The following MYOM1 variants were observed in gnomAD, a reference collection of about 807,000 sequenced individuals.
MYOM1 encodes myomesin 1.
Under a neutral mutation model 205.3 loss-of-function variants are expected in MYOM1, and 164 were observed. The ratio of observed to expected loss-of-function variants is 0.80; its 90% CI spans 0.70 to 0.91. The LOEUF is 0.91. Among genes scored for constraint, MYOM1 ranks in the 40% least tolerant of loss-of-function variants. The pLI is 0.00. For synonymous variants in MYOM1, 772 were observed against 789.4 expected, an observed-to-expected ratio of 0.98 and a Z score of 0.37; for missense variants, 2,011 against 2,127.3, an observed-to-expected ratio of 0.95 and a Z score of 1.08.
At chr18:3,242,825 C>T in the MYOM1 span, among the ~76,000 whole-genome samples, 1 of 152,266 alleles carries the variant, frequency 6.6e-6, no homozygotes, top group East Asian at 1.9e-4. Flanking sequence ...ATGTCTTTAT[C>T]AGCAGAATGA....
chr18:3,210,574 C>T (rs2081179436), intron 2 of MYOM1, among the ~76,000 whole-genome samples: 1 of 152,216 alleles, frequency 6.6e-6, no homozygotes, highest in Non-Finnish European at 1.5e-5. Context: ...TTCATGGACA[C>T]TCCTTGGGTT....
At chr18:3,149,234 T>A in intron 12 of MYOM1, 33 bp from the exon 13 acceptor site, 1 of 1,585,518 alleles carries the variant, frequency 6.3e-7, no homozygotes. Flanking sequence ...ATCACAAACG[T>A]TTACAAGTGT....
chr18:3,098,852 C>T (rs72858643), intron 25 of MYOM1, among the ~76,000 whole-genome samples: 1 of 152,328 alleles, frequency 6.6e-6, no homozygotes, highest in Non-Finnish European at 1.5e-5. Flanking sequence ...TTGCCTAATG[C>T]CACATGGTGG....
intron 5 of MYOM1, among the ~76,000 whole-genome samples, chr18:3,186,016 C>G (rs1421388726): frequency 6.6e-6 from 1 of 151,984 alleles, no homozygotes; most frequent in Non-Finnish European, 1.5e-5. Flanking sequence ...GCCAACACGG[C>G]AAAACCCCGT....
chr18:3,094,373 T>G, intron 25 of MYOM1, 67 bp from the exon 26 acceptor site: 4 of 851,260 alleles, frequency 4.7e-6, no homozygotes, highest in Admixed American at 4.7e-5. Context: ...TCATTTTCCA[T>G]CAAGTGAAAA....
the MYOM1 span, among the ~76,000 whole-genome samples, chr18:3,232,405 A>C: frequency 3.9e-5 from 6 of 152,136 alleles, no homozygotes; most frequent in South Asian, 2.1e-4. Context: ...AATTCATGCA[A>C]ATGATAGTAA....
At chr18:3,165,078 G>C (rs183903026) in intron 9 of MYOM1, among the ~76,000 whole-genome samples, 220 of 152,184 alleles carry the variant, frequency 1.4e-3, no homozygotes, top group Non-Finnish European at 2.5e-3. Context: ...AAGTTATATA[G>C]GCTATGACAA....
intron 27 of MYOM1, 67 bp downstream of exon 27, chr18:3,090,591 T>C: frequency 6.4e-7 from 1 of 1,567,568 alleles, no homozygotes. Flanking sequence ...ACAACTTTTG[T>C]GCCATGGGGT....
At chr18:3,115,130 C>G (rs2079586659) in intron 21 of MYOM1, among the ~76,000 whole-genome samples, 1 of 152,002 alleles carries the variant, frequency 6.6e-6, no homozygotes, top group Non-Finnish European at 1.5e-5. Context: ...TTACACTGTA[C>G]TTTGGGGGTT....
Position 3,168,836 on chromosome 18 carries a change from C to T in MYOM1, c.1320G>A (p.Glu440=), listed in dbSNP as rs1191231862. The part of the protein sequence containing the change: ...ITPEIKHFQP[E]IQWYRNGVPL... ...ACTCACCGTTTCTGTACCACTGGATCTCTGGCTGGAAATGTTTAATTTCAG... is the reference window on the plus strand; with the variant it reads ...ACTCACCGTTTCTGTACCACTGGATTTCTGGCTGGAAATGTTTAATTTCAG... The change falls in exon 9 of 38, where the codon GAG becomes GAA. Residue 440 remains glutamate (E), a synonymous_variant. Transcript: ENST00000356443. 1.2e-6 allele frequency: 2 copies of T among 1,613,794 alleles called. No individual in the cohort carries two copies. The highest frequency in any genetic ancestry group is 1.7e-6 in the Non-Finnish European group (2 of 1,179,884).
chr18:3,142,431 C>A (rs1012493257), intron 13 of MYOM1, among the ~76,000 whole-genome samples: 1 of 150,746 alleles, frequency 6.6e-6, no homozygotes, highest in East Asian at 1.9e-4. Flanking sequence ...CTACATAATT[C>A]AAAAAAAAAT....
At chr18:3,161,130 G>T (rs2080385144) in intron 10 of MYOM1, among the ~76,000 whole-genome samples, 1 of 152,224 alleles carries the variant, frequency 6.6e-6, no homozygotes, top group Non-Finnish European at 1.5e-5. Context: ...GCTAATTGCA[G>T]TGTGTTGGTT....
intron 2 of MYOM1, among the ~76,000 whole-genome samples, chr18:3,205,802 C>T (rs2081117537): frequency 6.6e-6 from 1 of 152,094 alleles, no homozygotes; most frequent in South Asian, 2.1e-4. Flanking sequence ...CGTTATAATA[C>T]CACTGAAATC....
intron 37 of MYOM1, among the ~76,000 whole-genome samples, chr18:3,071,004 G>A (rs549663278): frequency 2.2e-4 from 34 of 151,752 alleles, no homozygotes; most frequent in African/African-American, 7.2e-4. Context: ...AGTGATCTGC[G>A]TGCCTTGGCC....
chr18:3,149,004 A>T, intron 13 of MYOM1, 141 bp downstream of exon 13: 3 of 713,160 alleles, frequency 4.2e-6, no homozygotes, highest in Non-Finnish European at 7.5e-6. Context: ...ATTCTCTGAC[A>T]TAAGTTATTT....
chr18:3,086,247 C>A, intron 29 of MYOM1, 96 bp from the exon 30 acceptor site: 1 of 619,350 alleles, frequency 1.6e-6, no homozygotes, highest in South Asian at 3.1e-5. Context: ...AAAGAAAAAG[C>A]ACTGAACGTG....
At chr18:3,206,398 G>A (rs761729638) in intron 2 of MYOM1, among the ~76,000 whole-genome samples, 4 of 152,140 alleles carry the variant, frequency 2.6e-5, no homozygotes, top group Non-Finnish European at 5.9e-5. Context: ...CTTTTTCTGG[G>A]CCTCTTCTGG....
At chr18:3,214,065 AGACT>A (rs1450569045) in intron 2 of MYOM1, among the ~76,000 whole-genome samples, 2 of 152,240 alleles carry the variant, frequency 1.3e-5, no homozygotes, top group African/African-American at 4.8e-5. Context: ...TATTATTCTT[AGACT>A]GACTGAGATA....
In MYOM1 at chr18:3,075,740, T is replaced by A. The variant is rs1598646701; in HGVS notation, c.4670A>T (p.Glu1557Val). ...AGGGACTTACTTCAACCTCTGGAAT[T>A]CAGCATAGGCCTCATCGTATGCTTT... is the stretch of plus-strand genomic sequence containing the variant. ...SGQAYDEAYA[E>V]FQRLKQAAIA... The change falls in exon 35 of 38, where the codon GAA becomes GTA. Residue 1557 changes from glutamate to valine, a missense_variant. Coordinates refer to ENST00000356443, the MANE Select transcript of MYOM1 (RefSeq NM_003803.4). 1 of 1,599,688 alleles carries A rather than the reference T, an allele frequency of 6.3e-7. No homozygotes were observed. Among genetic ancestry groups the A allele is most frequent in the Non-Finnish European group, 8.5e-7 (1 of 1,172,202 alleles).
Sources: gnomAD v4.1 joint callset for allele counts (sites outside exome capture counted in the v4.1 genomes callset) on GRCh38, gnomAD v4.1.1 for gene constraint, MANE v1.5 for transcripts, NCBI Gene and HGNC (gene_info 2026-07-23, HGNC 2026-07-21) for gene names.